The following ABHD12 variants were observed in gnomAD, a reference collection of about 807,000 sequenced individuals.
The protein encoded by ABHD12 is lysophosphatidylserine lipase ABHD12.
ABHD12 carries 43 observed loss-of-function variants against 58.3 expected under a neutral mutation model. That is an observed-to-expected ratio of 0.74 (90% CI 0.58 to 0.95). The LOEUF (loss-of-function observed/expected upper bound fraction) is 0.95, where lower values mean the gene tolerates loss of function less well. Ranked by LOEUF, ABHD12 falls within the 40% of genes least tolerant of loss-of-function variation. The pLI, the probability that ABHD12 is intolerant of heterozygous loss-of-function variation, is 0.00. For synonymous variants in ABHD12, 219 were observed against 211.2 expected (o/e 1.04, Z -0.32); for missense variants, 539 against 537.2 (o/e 1.00, Z -0.03).
At chr20:25,340,035 T>C (rs941858632) in intron 1 of ABHD12, among the ~76,000 whole-genome samples, 9 of 152,172 alleles carry the variant, frequency 5.9e-5, no homozygotes, top group Non-Finnish European at 1.0e-4. Flanking sequence ...TTCAAAACTA[T>C]CTCTAACCCG....
At chr20:25,370,969 G>T (rs1049874867) in intron 1 of ABHD12, among the ~76,000 whole-genome samples, 1 of 151,680 alleles carries the variant, frequency 6.6e-6, no homozygotes, top group Non-Finnish European at 1.5e-5. Context: ...ACAGGTGTGA[G>T]CCACACACCA....
chr20:25,314,055 C>G (rs1310661384), intron 6 of ABHD12, among the ~76,000 whole-genome samples: 1 of 151,814 alleles, frequency 6.6e-6, no homozygotes, highest in Non-Finnish European at 1.5e-5. Context: ...TCACTGCAAG[C>G]TCTGCCTCCC....
At chr20:25,371,485 C>T (rs2089899608) in intron 1 of ABHD12, among the ~76,000 whole-genome samples, 1 of 152,232 alleles carries the variant, frequency 6.6e-6, no homozygotes, top group Admixed American at 6.5e-5. Flanking sequence ...AGTGATTCCT[C>T]CCAACATAAC....
chr20:25,384,518 G>A (rs1484975760), intron 1 of ABHD12, among the ~76,000 whole-genome samples: 1 of 151,922 alleles, frequency 6.6e-6, no homozygotes, highest in African/African-American at 2.4e-5. Context: ...GCTTAGGCGG[G>A]TGGATCACTT....
intron 1 of ABHD12, among the ~76,000 whole-genome samples, chr20:25,359,100 T>TAAA (rs367930738): frequency 1.6e-5 from 2 of 128,686 alleles, no homozygotes; most frequent in Non-Finnish European, 3.4e-5. Context: ...GCCTCCTTTG[T>TAAA]AAAAAAAAAA....
intron 1 of ABHD12, among the ~76,000 whole-genome samples, chr20:25,364,987 G>C (rs944094736): frequency 2.6e-5 from 4 of 152,114 alleles, no homozygotes; most frequent in Admixed American, 1.3e-4. Flanking sequence ...GCCTAGCTGG[G>C]GGCTACATTT....
chr20:25,356,595 T>C (rs943173656), intron 1 of ABHD12, among the ~76,000 whole-genome samples: 2 of 152,190 alleles, frequency 1.3e-5, no homozygotes, highest in Non-Finnish European at 2.9e-5. Context: ...GGTAACTGTT[T>C]GAACAACCTG....
intron 1 of ABHD12, among the ~76,000 whole-genome samples, chr20:25,374,243 T>C (rs888062051): frequency 6.6e-6 from 1 of 152,032 alleles, no homozygotes; most frequent in African/African-American, 2.4e-5. Flanking sequence ...TACAGGTGTG[T>C]GCCACCACAC....
chr20:25,312,704 T>C (rs1378989381), intron 6 of ABHD12, among the ~76,000 whole-genome samples: 1 of 137,174 alleles, frequency 7.3e-6, no homozygotes, highest in Admixed American at 7.3e-5. Context: ...GAGCGCCTCT[T>C]CCCGGCCGCC....
At chr20:25,313,037 G>A (rs1488185734) in intron 6 of ABHD12, among the ~76,000 whole-genome samples, 1 of 152,104 alleles carries the variant, frequency 6.6e-6, no homozygotes, top group East Asian at 1.9e-4. Context: ...GCCCCTTCTG[G>A]GAAGTGAGGA....
intron 5 of ABHD12, 137 bp from the exon 6 acceptor site, chr20:25,315,107 GCTGC>G: frequency 1.1e-6 from 1 of 898,274 alleles, no homozygotes; most frequent in South Asian, 1.4e-5. Flanking sequence ...ACTGTGACAT[GCTGC>G]CTGACTCCTG....
intron 6 of ABHD12, among the ~76,000 whole-genome samples, chr20:25,314,222 C>T (rs1027093187): frequency 2.0e-5 from 3 of 152,182 alleles, no homozygotes; most frequent in Non-Finnish European, 4.4e-5. Flanking sequence ...ATCCGCCTGC[C>T]TCAGCCTCCC....
Position 25,378,238 on chromosome 20 carries a change from C to T in ABHD12, c.191+12275G>A, listed in dbSNP as rs544446500. ...CCCTGTATTTTCTCTTTGCCAAAGG[C>T]ATCATCAAAGCCTGAGTATGCAAGA... On this transcript the variant is annotated intron_variant, in intron 1 of 12. Coordinates refer to ENST00000339157, the MANE Select transcript of ABHD12 (RefSeq NM_001042472.3). 4.6e-5 allele frequency among the ~76,000 whole-genome samples: 7 copies of T among 152,308 alleles called. No individual in the cohort carries two copies. The South Asian group carries it at 8.3e-4, about 18-fold the overall frequency.
Position 25,307,970 on chromosome 20 carries a change from G to A in ABHD12, c.863C>T (p.Ser288Leu). The change falls in exon 9 of 13, where the codon TCA (serine) becomes TTA (leucine). Residue 288 changes from serine to leucine, a missense_variant. Physicochemically the swap from Ser to Leu is moderately radical, Grantham distance 145. Coordinates refer to ENST00000339157, the MANE Select transcript of ABHD12 (RefSeq NM_001042472.3). The part of the protein sequence containing the change: ...IREEAKSHPF[S>L]VIYRYFPGFD... The stretch of plus-strand genomic sequence containing the variant: ...TTTAATAAAATCTGTACTTGCCACT[G>A]AAAATGGATGGCTCTTAGCTTCTTC... 6.3e-7 allele frequency: 1 copy of A among 1,592,012 alleles called. No homozygotes were observed. Among genetic ancestry groups the A allele is most frequent in the Non-Finnish European group, 8.6e-7 (1 of 1,160,028 alleles).
intron 2 of ABHD12, among the ~76,000 whole-genome samples, chr20:25,330,739 C>T (rs935947259): frequency 1.3e-5 from 2 of 152,170 alleles, no homozygotes; most frequent in Admixed American, 1.3e-4. Flanking sequence ...TCCAACAGAC[C>T]TGCAGCTGAG....
chr20:25,309,569 C>A lies in ABHD12; in HGVS notation c.626G>T (p.Gly209Val). The change falls in exon 7 of 13, where the codon GGT (glycine) becomes GTT (valine). Residue 209 changes from glycine (G) to valine (V), a missense_variant. By Grantham distance (109) the Gly-to-Val change is moderately radical. Coordinates refer to ENST00000339157, the MANE Select transcript of ABHD12 (RefSeq NM_001042472.3). ...HVVTFDYRGW[G>V]DSVGTPSERG... ...CTCAGATGGCGTTCCCACTGAGTCA[C>A]CCCAACCTGGGAGGGAGAAACGGCA... is the stretch of plus-strand genomic sequence containing the variant. 1 of 1,614,088 alleles carries A rather than the reference C, an allele frequency of 6.2e-7. No individual in the cohort carries two copies. Among genetic ancestry groups the A allele is most frequent in the Non-Finnish European group, 8.5e-7 (1 of 1,179,964 alleles).
chr20:25,367,430 CCAT>C lies in ABHD12; in HGVS notation c.191+23080_191+23082del, dbSNP rs199946412. On this transcript the variant is annotated intron_variant, in intron 1 of 12. Transcript: ENST00000339157. ...ATTTTTTTACACGTAACAAAATTTA[CCAT>C]CATAACCATTTTCACGTGTACAGTT... is the stretch of plus-strand genomic sequence containing the variant. Among the ~76,000 whole-genome samples, 76 of 152,300 alleles carry C rather than the reference CCAT, an allele frequency of 5.0e-4. 2 individuals carry two copies. The East Asian group carries it at 0.013, about 26-fold the overall frequency.
Position 25,386,416 on chromosome 20 carries a change from G to A in ABHD12, c.191+4097C>T, listed in dbSNP as rs187550374. On this transcript the variant is annotated intron_variant, in intron 1 of 12. Coordinates refer to ENST00000339157, the MANE Select transcript of ABHD12 (RefSeq NM_001042472.3). ...TGGGACTACAGGCGCCCGCCACCAC[G>A]CCTGGCTAATTTTTTTTGTATTTTT... Among the ~76,000 whole-genome samples, 353 of 151,016 alleles carry A rather than the reference G, an allele frequency of 2.3e-3. 7 individuals carry two copies. The East Asian group carries it at 0.061, about 26-fold the overall frequency.
intron 2 of ABHD12, among the ~76,000 whole-genome samples, chr20:25,337,272 AAACAAAAC>A (rs1204282677): frequency 6.6e-6 from 1 of 152,180 alleles, no homozygotes; most frequent in African/African-American, 2.4e-5. Context: ...TCTCAGAACA[AAACAAAAC>A]AACAAAACAA....
Sources: gnomAD v4.1 joint callset for allele counts (sites outside exome capture counted in the v4.1 genomes callset) on GRCh38, gnomAD v4.1.1 for gene constraint, MANE v1.5 for transcripts, NCBI Gene and HGNC (gene_info 2026-07-23, HGNC 2026-07-21) for gene names.